The following PCNX4 variants were observed in gnomAD, a reference collection of about 807,000 sequenced individuals.
The protein encoded by PCNX4 is pecanex 4.
PCNX4 carries 103 observed loss-of-function variants against 107.2 expected under a neutral mutation model. That is an observed-to-expected ratio of 0.96 (90% confidence interval 0.82 to 1.13). The LOEUF (loss-of-function observed/expected upper bound fraction) is 1.13, where lower values mean the gene tolerates loss of function less well. Ranked by LOEUF, PCNX4 falls within the 50% of genes most tolerant of loss-of-function variation. The pLI, the probability that PCNX4 is intolerant of heterozygous loss-of-function variation, is 0.00. For missense variants in PCNX4, 1,528 were observed against 1,379.4 expected (o/e 1.11, Z -1.71); for synonymous variants, 541 against 481.7 (o/e 1.12, Z -1.61).
intron 1 of PCNX4, among the ~76,000 whole-genome samples, chr14:60,093,358 C>T (rs566797726): frequency 6.6e-6 from 1 of 152,180 alleles, no homozygotes; most frequent in Non-Finnish European, 1.5e-5. Context: ...TCCCTCCCCC[C>T]ATTATCCTTA....
At chr14:60,093,199 G>A (rs368125379) in intron 1 of PCNX4, among the ~76,000 whole-genome samples, 10 of 152,272 alleles carry the variant, frequency 6.6e-5, no homozygotes, top group African/African-American at 1.9e-4. Flanking sequence ...AATCAGGGAA[G>A]CTTTTTCTTT....
In PCNX4 at chr14:60,125,792, AC is replaced by A; in HGVS notation, c.3237del (p.Leu1080CysfsTer24). The A allele has an allele frequency of 6.2e-7, 1 of 1,609,884 alleles. No homozygotes were observed. Among genetic ancestry groups the A allele is most frequent in the South Asian group, 1.1e-5 (1 of 90,036 alleles). ...GAAGCAATTTTACAAGAAAAGCCATACTTGTTTTCTCTGGGGTATGATTCTA... is the reference window on the plus strand; with the variant it reads ...GAAGCAATTTTACAAGAAAAGCCATATTGTTTTCTCTGGGGTATGATTCTA... ...WKEAILQEKP[Y>X]LFSLGYDSNM... On this transcript the variant is annotated frameshift_variant, in exon 10 of 11. Coordinates refer to ENST00000406854, the MANE Select transcript of PCNX4 (RefSeq NM_001330177.2). LOFTEE classifies it high-confidence loss of function.
intron 1 of PCNX4, among the ~76,000 whole-genome samples, chr14:60,093,335 A>T (rs925914229): frequency 4.6e-5 from 7 of 152,176 alleles, no homozygotes; most frequent in African/African-American, 1.7e-4. Flanking sequence ...TTTTACCCTC[A>T]GCAGTCACCA....
intron 2 of PCNX4, among the ~76,000 whole-genome samples, chr14:60,113,262 A>G (rs1466257205): frequency 2.0e-5 from 3 of 152,256 alleles, no homozygotes; most frequent in Non-Finnish European, 4.4e-5. Flanking sequence ...GTGAGCAAAC[A>G]TAAAATGGCG....
rs1285721578 is a variant in PCNX4, at chr14:60,124,250, T to C, written c.2079T>C (p.Thr693=). Residue 693 remains threonine, a synonymous_variant, in exon 9 of 11, where the codon ACT becomes ACC. Transcript: ENST00000406854. ...GLELQETSCH[T]AEARRVDEVF... ...AATTGCAGGAAACATCCTGTCATAC[T>C]GCAGAAGCTCGCAGAGTTGATGAAG... 1 of 1,599,408 alleles carries C rather than the reference T, an allele frequency of 6.3e-7. No homozygotes were observed. Among genetic ancestry groups the C allele is most frequent in the Non-Finnish European group, 8.5e-7 (1 of 1,172,318 alleles).
At position 60,116,065 on chromosome 14, in the gene PCNX4, G is replaced by A. The variant is rs2140550567; in HGVS notation, c.1578+5G>A. On this transcript the variant is annotated splice_donor_5th_base_variant and intron_variant, in intron 6 of 10. Coordinates refer to ENST00000406854, the MANE Select transcript of PCNX4 (RefSeq NM_001330177.2). ...ACAGGACTCAGACTCTTACTGGTAA[G>A]TGTGTCTTTTAACAGCTTTACTGAA... is the stretch of plus-strand genomic sequence containing the variant. 3.1e-6 allele frequency: 5 copies of A among 1,596,450 alleles called. No homozygotes were observed. The highest frequency in any genetic ancestry group is 4.3e-6 in the Non-Finnish European group (5 of 1,172,768).
intron 1 of PCNX4, among the ~76,000 whole-genome samples, chr14:60,099,361 T>G (rs1895487311): frequency 6.6e-6 from 1 of 152,216 alleles, no homozygotes; most frequent in Non-Finnish European, 1.5e-5. Flanking sequence ...ATGAATACAT[T>G]GTATTTATTA....
At chr14:60,103,698 C>G (rs889301240) in intron 1 of PCNX4, among the ~76,000 whole-genome samples, 1 of 152,176 alleles carries the variant, frequency 6.6e-6, no homozygotes, top group Non-Finnish European at 1.5e-5. Flanking sequence ...TCAGTATGAA[C>G]TAGTTCCTGC....
intron 8 of PCNX4, among the ~76,000 whole-genome samples, chr14:60,123,274 A>C (rs1432990079): frequency 6.6e-6 from 1 of 152,084 alleles, no homozygotes; most frequent in Non-Finnish European, 1.5e-5. Flanking sequence ...TTTTTGACAC[A>C]AGCTGGGTTA....
intron 1 of PCNX4, among the ~76,000 whole-genome samples, chr14:60,099,430 A>T (rs1895488459): frequency 1.3e-5 from 2 of 152,324 alleles, no homozygotes; most frequent in South Asian, 4.1e-4. Flanking sequence ...TGATAAGTTT[A>T]ATTTTGTTTA....
intron 1 of PCNX4, among the ~76,000 whole-genome samples, chr14:60,098,007 G>A (rs562331613): frequency 3.6e-4 from 55 of 152,148 alleles, no homozygotes; most frequent in African/African-American, 1.3e-3. Context: ...CTTCGACTTC[G>A]ACGAGGACCA....
chr14:60,133,933 T>C, intron 10 of PCNX4, 37 bp from the exon 11 acceptor site: 1 of 1,563,696 alleles, frequency 6.4e-7, no homozygotes, highest in Non-Finnish European at 8.7e-7. Flanking sequence ...GGAATCTCTT[T>C]TCTTTTTCTC....
chr14:60,125,974 G>T, intron 10 of PCNX4, 151 bp downstream of exon 10: 2 of 572,676 alleles, frequency 3.5e-6, no homozygotes, highest in Non-Finnish European at 5.4e-6. Context: ...TGACTTTTTG[G>T]CTAAGCTAGA....
rs147887365 is a variant in PCNX4 at position 60,103,089 on chromosome 14, C to T, written c.-53-4497C>T. On this transcript the variant is annotated intron_variant, in intron 1 of 10. Transcript: ENST00000406854. ...TAAATCAGTTTTTAGGTCTGATATG[C>T]TTGCTACCTGTCAAATTTCTCTGAT... is the stretch of plus-strand genomic sequence containing the variant. 1.8e-3 allele frequency among the ~76,000 whole-genome samples: 271 copies of T among 152,254 alleles called. 1 individual carries two copies. Among genetic ancestry groups the T allele is most frequent in the Non-Finnish European group, 2.7e-3 (181 of 67,984 alleles).
intron 2 of PCNX4, chr14:60,110,035 G>A (rs1217565039): frequency 6.0e-6 from 1 of 167,192 alleles, no homozygotes; most frequent in African/African-American, 2.4e-5. Context: ...TGAAGATTTG[G>A]AAAATTTTCA....
At chr14:60,127,063 G>C (rs1407658826) in intron 10 of PCNX4, among the ~76,000 whole-genome samples, 1 of 152,190 alleles carries the variant, frequency 6.6e-6, no homozygotes, top group Non-Finnish European at 1.5e-5. Context: ...TCTTCCCAGA[G>C]GAACTGATTT....
Position 60,134,314 on chromosome 14 carries a change from C to T in PCNX4, c.*93C>T. 1 of 1,450,916 alleles carries T rather than the reference C, an allele frequency of 6.9e-7. No individual in the cohort carries two copies. The highest frequency in any genetic ancestry group is 1.8e-5 in the Admixed American group (1 of 55,534). The allele number at this position is 1,450,916 out of a possible 1,614,324, so 89.9% of individuals were successfully genotyped here. Reference sequence around the variant, plus strand: ...GATTCTTGTAACTTGAGGACTTCTCCACACCCCCATTCAGATGCCTGAGAA... The same window carrying T: ...GATTCTTGTAACTTGAGGACTTCTCTACACCCCCATTCAGATGCCTGAGAA... On this transcript the variant is annotated 3_prime_UTR_variant, in exon 11 of 11. Coordinates refer to ENST00000406854, the MANE Select transcript of PCNX4 (RefSeq NM_001330177.2).
intron 10 of PCNX4, among the ~76,000 whole-genome samples, chr14:60,132,645 G>A (rs1896175443): frequency 6.6e-6 from 1 of 151,476 alleles, no homozygotes; most frequent in African/African-American, 2.4e-5. Context: ...TTCCTCAAAG[G>A]ACACCATCAA....
chr14:60,112,818 T>C (rs967580721), intron 2 of PCNX4, among the ~76,000 whole-genome samples: 6 of 152,348 alleles, frequency 3.9e-5, no homozygotes, highest in African/African-American at 1.4e-4. Flanking sequence ...ATGAAATGAA[T>C]TTTATTTTAA....
Sources: allele counts gnomAD v4.1 joint callset (sites outside exome capture counted in the v4.1 genomes callset), GRCh38; gene constraint gnomAD v4.1.1; transcripts MANE v1.5; gene names NCBI Gene and HGNC (gene_info 2026-07-23, HGNC 2026-07-21).